TCEA3: variants seen among roughly 807,000 people sequenced by gnomAD.
The protein encoded by TCEA3 is transcription elongation factor A3, also known as transcription elongation factor A protein 3.
Under a neutral mutation model 44.0 loss-of-function variants are expected in TCEA3, and 36 were observed. That is an observed-to-expected ratio of 0.82 (90% CI 0.63 to 1.08). The LOEUF (loss-of-function observed/expected upper bound fraction) is 1.08. Ranked by LOEUF, TCEA3 falls within the 50% of genes least tolerant of loss-of-function variation. The pLI is 0.00. For synonymous variants in TCEA3, 162 were observed against 159.7 expected (o/e 1.01, Z -0.11); for missense variants, 392 against 441.2 (o/e 0.89, Z 1.00).
At chr1:23,422,141 A>C (rs1391250288) in intron 1 of TCEA3, among the ~76,000 whole-genome samples, 1 of 152,098 alleles carries the variant, frequency 6.6e-6, no homozygotes, top group African/African-American at 2.4e-5. Context: ...TGAATGTATA[A>C]ATGTGGCTGT....
chr1:23,385,687 C>G (rs774731892), intron 9 of TCEA3, among the ~76,000 whole-genome samples: 5 of 152,204 alleles, frequency 3.3e-5, no homozygotes, highest in East Asian at 1.9e-4. Context: ...TATTTGTGCT[C>G]TAAGGGCATA....
chr1:23,417,015 T>C (rs1046056949), intron 4 of TCEA3, among the ~76,000 whole-genome samples: 2 of 152,360 alleles, frequency 1.3e-5, no homozygotes, highest in African/African-American at 4.8e-5. Context: ...AGACGCACTC[T>C]TTCCTGTCCC....
Position 23,408,720 on chromosome 1 carries a change from G to A in TCEA3, c.387C>T (p.Asp129=). ...KKREDPKTRR[D]SVDSKSSASS... is the part of the protein sequence containing the mutation. ...AGGCAGAAGACTTGGAGTCCACAGA[G>A]TCTCTCCTGAAAGAAGAAAATTGGC... The change falls in exon 5 of 11, where the codon GAC becomes GAT. Residue 129 remains aspartate, a synonymous_variant. Transcript: ENST00000450454. 6.2e-7 allele frequency: 1 copy of A among 1,608,494 alleles called. No individual in the cohort carries two copies. The highest frequency in any genetic ancestry group is 8.5e-7 in the Non-Finnish European group (1 of 1,177,520).
At chr1:23,389,169 G>A (rs1274110011) in intron 8 of TCEA3, among the ~76,000 whole-genome samples, 1 of 152,144 alleles carries the variant, frequency 6.6e-6, no homozygotes, top group Non-Finnish European at 1.5e-5. Context: ...ATTTTCCAGA[G>A]CATAAAGCAT....
chr1:23,389,634 AG>A (rs1453530050), intron 8 of TCEA3, among the ~76,000 whole-genome samples: 1 of 152,074 alleles, frequency 6.6e-6, no homozygotes, highest in Non-Finnish European at 1.5e-5. Flanking sequence ...TGGGTGACAG[AG>A]TGAGACTCCG....
chr1:23,423,777 G>A (rs764120894), intron 1 of TCEA3: 12 of 455,894 alleles, frequency 2.6e-5, no homozygotes, highest in Admixed American at 2.3e-4. Context: ...CAAAGATCAC[G>A]GGGAAGATCA....
At chr1:23,416,044 T>C (rs1639879879) in intron 4 of TCEA3, among the ~76,000 whole-genome samples, 1 of 150,778 alleles carries the variant, frequency 6.6e-6, no homozygotes, top group Admixed American at 6.6e-5. Flanking sequence ...TTCGCTCTTA[T>C]TGCCCAGGCT....
chr1:23,390,040 A>G (rs1437249055), intron 8 of TCEA3, among the ~76,000 whole-genome samples: 1 of 152,228 alleles, frequency 6.6e-6, no homozygotes, highest in East Asian at 1.9e-4. Context: ...AAGTGAAGGC[A>G]TATAAGGTGC....
chr1:23,398,056 A>C (rs1252477398), intron 5 of TCEA3, 101 bp from the exon 6 acceptor site: 5 of 1,397,240 alleles, frequency 3.6e-6, no homozygotes, highest in Non-Finnish European at 4.9e-6. Flanking sequence ...TATAATCCTC[A>C]TAACAACCTC....
At chr1:23,415,683 T>A (rs61777158) in intron 4 of TCEA3, among the ~76,000 whole-genome samples, 2 of 152,194 alleles carry the variant, frequency 1.3e-5, no homozygotes, top group Non-Finnish European at 2.9e-5. Flanking sequence ...GTGGAGATGG[T>A]CAGGGATTCC....
chr1:23,416,310 A>G (rs1385519154), intron 4 of TCEA3, among the ~76,000 whole-genome samples: 1 of 151,918 alleles, frequency 6.6e-6, no homozygotes. Context: ...CCGGCCTTCC[A>G]TTATTTTCTA....
At chr1:23,408,018 G>A (rs544650457) in intron 5 of TCEA3, among the ~76,000 whole-genome samples, 7 of 152,142 alleles carry the variant, frequency 4.6e-5, no homozygotes, top group East Asian at 1.9e-4. Context: ...TTGGATTGCA[G>A]TGGCGCGATC....
intron 7 of TCEA3, 100 bp downstream of exon 7, chr1:23,397,445 G>T: frequency 9.3e-7 from 1 of 1,072,716 alleles, no homozygotes; most frequent in Non-Finnish European, 1.4e-6. Context: ...TGTTCCCGGA[G>T]CCCTTCCTCT....
intron 8 of TCEA3, among the ~76,000 whole-genome samples, chr1:23,388,790 C>A (rs905042282): frequency 6.6e-5 from 10 of 152,156 alleles, no homozygotes; most frequent in African/African-American, 2.4e-4. Flanking sequence ...AAACGATTCT[C>A]CCACCTCAGC....
intron 4 of TCEA3, among the ~76,000 whole-genome samples, chr1:23,415,014 CTTTTTT>C (rs59946326): frequency 4.6e-5 from 2 of 43,118 alleles, no homozygotes; most frequent in African/African-American, 8.4e-5. Flanking sequence ...CTTTACTGTT[CTTTTTT>C]TTTTTTTTTT....
At chr1:23,404,161 C>A in intron 5 of TCEA3, 2 of 702,358 alleles carry the variant, frequency 2.8e-6, no homozygotes, top group Admixed American at 2.0e-5. Flanking sequence ...CGAGCATGCT[C>A]TGCAAATGGC....
chr1:23,407,092 C>CAGTCT (rs1269642188), intron 5 of TCEA3, among the ~76,000 whole-genome samples: 11 of 152,232 alleles, frequency 7.2e-5, no homozygotes, highest in Admixed American at 7.2e-4. Context: ...TGCATAAGCA[C>CAGTCT]AGTCTTCCCC....
intron 5 of TCEA3, among the ~76,000 whole-genome samples, chr1:23,399,643 T>A (rs1893457): frequency 0.18 from 27,512 of 151,784 alleles, 5,949 homozygotes; most frequent in African/African-American, 0.51. Flanking sequence ...TATACAGAAT[T>A]TATCTACTTT....
intron 5 of TCEA3, among the ~76,000 whole-genome samples, chr1:23,406,381 T>A (rs1639545438): frequency 6.6e-6 from 1 of 152,182 alleles, no homozygotes; most frequent in Non-Finnish European, 1.5e-5. Context: ...GCCAACACCC[T>A]TATCATCCCA....
Sources: gnomAD v4.1 joint callset for allele counts (sites outside exome capture counted in the v4.1 genomes callset) on GRCh38, gnomAD v4.1.1 for gene constraint, MANE v1.5 for transcripts, NCBI Gene and HGNC (gene_info 2026-07-23, HGNC 2026-07-21) for gene names.